The following IMPDH2 variants were observed in gnomAD, a reference collection of about 807,000 sequenced individuals.
The protein encoded by IMPDH2 is inosine-5'-monophosphate dehydrogenase 2.
In IMPDH2, 33 loss-of-function variants were observed where a neutral mutation model predicts 57.8. The ratio of observed to expected loss-of-function variants is 0.57; its 90% confidence interval spans 0.43 to 0.76. The LOEUF (loss-of-function observed/expected upper bound fraction) is 0.76, where lower values mean the gene tolerates loss of function less well. Among genes scored for constraint, IMPDH2 ranks in the 30% least tolerant of loss-of-function variants. The pLI is 0.00. For synonymous variants in IMPDH2, 270 were observed against 241.3 expected (o/e 1.12, Z -1.10); for missense variants, 446 against 659.1 (o/e 0.68, Z 3.54).
chr3:49,026,480 C>A (rs1223356075), intron 8 of IMPDH2, 39 bp downstream of exon 8: 1 of 1,600,768 alleles, frequency 6.2e-7, no homozygotes, highest in South Asian at 1.1e-5. Context: ...AGCTTACCCA[C>A]TCCCACCACA....
rs766727436 is a variant in IMPDH2, at chr3:49,029,378, T to A, written c.-28A>T. 8.8e-6 allele frequency: 13 copies of A among 1,480,724 alleles called. No individual in the cohort carries two copies. The highest frequency in any genetic ancestry group is 1.1e-5 in the Non-Finnish European group (12 of 1,078,214). 91.7% of individuals were successfully genotyped at this position (1,480,724 alleles called of 1,614,324 possible). ...CCAACACAGGACACCGCCGCGTGTCTCCGAGGACCGCGCCGCAGAGACCTC... is the reference window on the plus strand; with the variant it reads ...CCAACACAGGACACCGCCGCGTGTCACCGAGGACCGCGCCGCAGAGACCTC... On this transcript the variant is annotated 5_prime_UTR_variant, in exon 1 of 14. Transcript: ENST00000326739.
At chr3:49,027,586 G>C in intron 5 of IMPDH2, 124 bp downstream of exon 5, 1 of 815,226 alleles carries the variant, frequency 1.2e-6, no homozygotes, top group Non-Finnish European at 2.0e-6. Context: ...AAAGGAGTCA[G>C]AAACTTGGTT....
intron 9 of IMPDH2, chr3:49,025,863 CA>C (rs1057335795): frequency 9.6e-6 from 4 of 416,182 alleles, no homozygotes; most frequent in African/African-American, 8.2e-5. Flanking sequence ...GCACCACCCC[CA>C]AACCATGGTC....
intron 5 of IMPDH2, 84 bp downstream of exon 5, chr3:49,027,626 A>G (rs2093204844): frequency 8.8e-7 from 1 of 1,137,584 alleles, no homozygotes; most frequent in Non-Finnish European, 1.3e-6. Context: ...AGAAGAGGCT[A>G]TCAGAGATGT....
intron 9 of IMPDH2, 109 bp downstream of exon 9, chr3:49,026,215 G>C (rs1380575664): frequency 1.2e-6 from 1 of 840,352 alleles, no homozygotes; most frequent in East Asian, 2.7e-5. Flanking sequence ...TTTGGCCCCA[G>C]GGTTGCCCCT....
rs201522101 is a variant in IMPDH2, at chr3:49,024,647, C to T, written c.1439+12G>A. 1.2e-6 allele frequency: 2 copies of T among 1,614,232 alleles called. No individual in the cohort carries two copies. The highest frequency in any genetic ancestry group is 4.5e-5 in the East Asian group (2 of 44,886). ...CAGCCCCTCTACCCATGTCCCAGCTCCCCAAGCTCACCGGACTTGGGTCAA... is the reference window on the plus strand; with the variant it reads ...CAGCCCCTCTACCCATGTCCCAGCTTCCCAAGCTCACCGGACTTGGGTCAA... On this transcript the variant is annotated intron_variant, in intron 12 of 13. Transcript: ENST00000326739.
chr3:49,025,714 TG>T (rs2093195592), intron 9 of IMPDH2, among the ~76,000 whole-genome samples: 2 of 152,142 alleles, frequency 1.3e-5, no homozygotes, highest in South Asian at 2.1e-4. Flanking sequence ...AGTGGTTGTG[TG>T]GGAGAGCAAG....
chr3:49,028,401 G>A (rs1469290039), intron 3 of IMPDH2, 30 bp downstream of exon 3: 1 of 1,603,164 alleles, frequency 6.2e-7, no homozygotes, highest in Admixed American at 1.7e-5. Context: ...TGGAGTCCTT[G>A]CTCCTTCCCC....
In IMPDH2 at chr3:49,026,671, C is replaced by T; in HGVS notation, c.819+16G>A. 1 of 1,613,744 alleles carries T rather than the reference C, an allele frequency of 6.2e-7. No individual in the cohort carries two copies. The highest frequency in any genetic ancestry group is 8.5e-7 in the Non-Finnish European group (1 of 1,179,710). ...AGCTGCCCCTATTGCCCCAACCCAC[C>T]TGTGTAGCAGCTCACCAAAACCACT... On this transcript the variant is annotated intron_variant, in intron 7 of 13. Transcript: ENST00000326739.
chr3:49,029,061 C>A, intron 1 of IMPDH2, 192 bp downstream of exon 1: 1 of 648,840 alleles, frequency 1.5e-6, no homozygotes, highest in Admixed American at 2.3e-5. Context: ...AGATTCCAAG[C>A]ACTACTGAGA....
At chr3:49,028,105 A>G (rs1231300184) in intron 4 of IMPDH2, 143 bp downstream of exon 4, 3 of 823,224 alleles carry the variant, frequency 3.6e-6, no homozygotes, top group Non-Finnish European at 6.0e-6. Context: ...CTGCTTTAAG[A>G]AACAGAATCT....
In IMPDH2 at chr3:49,028,505, T is replaced by C; in HGVS notation, c.175A>G (p.Ile59Val). 6.2e-7 allele frequency: 1 copy of C among 1,614,032 alleles called. No homozygotes were observed. Among genetic ancestry groups the C allele is most frequent in the East Asian group, 2.2e-5 (1 of 44,890 alleles). ...GAAACCAGTGGGGTCTTAAGAGTGA[T>C]TTTCTTGGTCAGAGCAGAAGTCAGG... is the stretch of plus-strand genomic sequence containing the variant. ...VDLTSALTKK[I>V]TLKTPLVSSP... is the part of the protein sequence containing the mutation. The change falls in exon 3 of 14, where the codon ATC becomes GTC. Residue 59 changes from isoleucine to valine, a missense_variant. Physicochemically the swap from Ile to Val is conservative, Grantham distance 29. Coordinates refer to ENST00000326739, the MANE Select transcript of IMPDH2 (RefSeq NM_000884.3).
chr3:49,027,613 G>C, intron 5 of IMPDH2, 97 bp downstream of exon 5: 1 of 1,040,050 alleles, frequency 9.6e-7, no homozygotes, highest in Non-Finnish European at 1.5e-6. Context: ...TCCTTTCCCA[G>C]AGAGAAGAGG....
At chr3:49,027,264 G>A (rs1168805275) in intron 5 of IMPDH2, among the ~76,000 whole-genome samples, 6 of 152,286 alleles carry the variant, frequency 3.9e-5, no homozygotes, top group Admixed American at 6.5e-5. Flanking sequence ...AAAGTACTGA[G>A]ATTACAGGGG....
In IMPDH2 at chr3:49,028,919, C is replaced by CA. The variant is rs1375933910; in HGVS notation, c.99-114dup. On this transcript the variant is annotated intron_variant, in intron 1 of 13. Coordinates refer to ENST00000326739, the MANE Select transcript of IMPDH2 (RefSeq NM_000884.3). The stretch of plus-strand genomic sequence containing the variant: ...GCATGTGAGCAGAGAGTGGCACTGA[C>CA]AGAGTCTGTGTGTCACAGGCACAGC... 82 of 868,836 alleles carry CA rather than the reference C, an allele frequency of 9.4e-5. 1 individual carries two copies. In the East Asian group the frequency reaches 2.1e-3, roughly 22 times the overall value. 53.8% of individuals were successfully genotyped at this position (868,836 alleles called of 1,614,324 possible).
In IMPDH2 at chr3:49,026,545, G is replaced by A. The variant is rs1448193224; in HGVS notation, c.884C>T (p.Pro295Leu). ...ATTGCCTCCAATGACTTGGAGATTA[G>A]GGTATTTGTCTTTGATGTACTTGAT... ...NMIKYIKDKY[P>L]NLQVIGGNVV... is the part of the protein sequence containing the mutation. Residue 295 changes from proline to leucine, a missense_variant, in exon 8 of 14, where the codon CCT (proline) becomes CTT (leucine). By Grantham distance (98) the Pro-to-Leu change is moderately conservative. Coordinates refer to ENST00000326739, the MANE Select transcript of IMPDH2 (RefSeq NM_000884.3). 3 of 1,613,536 alleles carry A rather than the reference G, an allele frequency of 1.9e-6. No homozygotes were observed. The Middle Eastern group carries it at 4.9e-4, about 266-fold the overall frequency.
intron 9 of IMPDH2, 130 bp from the exon 10 acceptor site, chr3:49,025,399 A>C (rs2093193821): frequency 1.0e-6 from 1 of 963,854 alleles, no homozygotes; most frequent in East Asian, 2.4e-5. Flanking sequence ...TGAGGAACAG[A>C]CGTGTCTGGG....
chr3:49,028,203 G>A (rs373112131), intron 4 of IMPDH2, 45 bp downstream of exon 4: 1 of 1,495,320 alleles, frequency 6.7e-7, no homozygotes, highest in South Asian at 1.1e-5. Flanking sequence ...CCCCACCTCA[G>A]TGCAATTCCC....
intron 5 of IMPDH2, among the ~76,000 whole-genome samples, chr3:49,027,423 T>G (rs1246770065): frequency 6.6e-6 from 1 of 152,086 alleles, no homozygotes; most frequent in Non-Finnish European, 1.5e-5. Context: ...CACTATGGAA[T>G]AAGGAGGACA....
Sources: allele counts gnomAD v4.1 joint callset (sites outside exome capture counted in the v4.1 genomes callset), GRCh38; gene constraint gnomAD v4.1.1; transcripts MANE v1.5; gene names NCBI Gene and HGNC (gene_info 2026-07-23, HGNC 2026-07-21).